The following ERC1 variants were observed in gnomAD, a reference collection of about 807,000 sequenced individuals.
ERC1 encodes the protein RAB6 interacting protein 2.
In ERC1, 56 loss-of-function variants were observed where a neutral mutation model predicts 132.0. The observed-to-expected ratio is 0.42, with a 90% CI of 0.34 to 0.53. The LOEUF (loss-of-function observed/expected upper bound fraction) is 0.53. Ranked by LOEUF, ERC1 falls within the 20% of genes least tolerant of loss-of-function variation. The pLI, the probability that ERC1 is intolerant of heterozygous loss-of-function variation, is 0.03. For synonymous variants in ERC1, 478 were observed against 476.1 expected (o/e 1.00, Z -0.05); for missense variants, 1,202 against 1,349.9 (o/e 0.89, Z 1.72).
chr12:995,229 C>T (rs954547827), intron 1 of ERC1, among the ~76,000 whole-genome samples: 1 of 152,094 alleles, frequency 6.6e-6, no homozygotes, highest in Non-Finnish European at 1.5e-5. Context: ...TGCACTCCAG[C>T]CTGGGCGACA....
At chr12:1,345,124 A>G (rs1006370538) in intron 15 of ERC1, among the ~76,000 whole-genome samples, 1 of 152,150 alleles carries the variant, frequency 6.6e-6, no homozygotes, top group Admixed American at 6.5e-5. Context: ...ATTTTAAATA[A>G]AAATTGAATT....
chr12:1,351,477 T>C (rs1057346246), intron 15 of ERC1, among the ~76,000 whole-genome samples: 1 of 151,526 alleles, frequency 6.6e-6, no homozygotes, highest in Non-Finnish European at 1.5e-5. Context: ...TCTGGTAGTG[T>C]GTGTTCTGGA....
Position 1,401,581 on chromosome 12 carries a change from A to G in ERC1, c.2926-6568A>G, listed in dbSNP as rs144457528. 1.6e-3 allele frequency among the ~76,000 whole-genome samples: 246 copies of G among 152,290 alleles called. 1 individual carries two copies. The highest frequency in any genetic ancestry group is 2.1e-3 in the Non-Finnish European group (140 of 68,020). Reference sequence around the variant, plus strand: ...ACTTATTCATCATATGAATGTCGCTAAGTTATTTAGGCTCTCTGTACCTCA... The same window carrying G: ...ACTTATTCATCATATGAATGTCGCTGAGTTATTTAGGCTCTCTGTACCTCA... On this transcript the variant is annotated intron_variant, in intron 16 of 18. Transcript: ENST00000360905.
intron 12 of ERC1, among the ~76,000 whole-genome samples, chr12:1,196,905 T>TACACACACAC (rs766381798): frequency 3.5e-5 from 2 of 57,728 alleles, no homozygotes; most frequent in South Asian, 8.0e-4. Context: ...TCTGTCTCTC[T>TACACACACAC]ACACACACAC....
chr12:1,242,624 T>C (rs1222976385), intron 13 of ERC1, among the ~76,000 whole-genome samples: 1 of 152,314 alleles, frequency 6.6e-6, no homozygotes, highest in Non-Finnish European at 1.5e-5. Flanking sequence ...AGCTCCTGTC[T>C]CTAAAGGTTG....
rs142846830 is a variant in ERC1 at position 1,144,614 on chromosome 12, G to GTATA, written c.1737+2844_1737+2847dup. Among the ~76,000 whole-genome samples the GTATA allele has an allele frequency of 3.4e-3, 444 of 132,252 alleles. 5 individuals carry two copies. The highest frequency in any genetic ancestry group is 0.016 in the East Asian group (77 of 4,848). 86.8% of individuals were successfully genotyped at this position (132,252 alleles called of 152,430 possible). On this transcript the variant is annotated intron_variant, in intron 8 of 18. Transcript: ENST00000360905. ...TTTTATGGCTGAGTAGAATTTTGTG[G>GTATA]TATATATATATATATATATACGTGT...
intron 11 of ERC1, among the ~76,000 whole-genome samples, chr12:1,185,503 TTTTC>T (rs1313125054): frequency 8.3e-6 from 1 of 120,338 alleles, no homozygotes; most frequent in Non-Finnish European, 1.7e-5. Flanking sequence ...TTTTCTGTAC[TTTTC>T]TTTCTTTCTT....
chr12:1,040,809 G>A (rs1250116162), intron 2 of ERC1, among the ~76,000 whole-genome samples: 1 of 152,096 alleles, frequency 6.6e-6, no homozygotes, highest in Non-Finnish European at 1.5e-5. Context: ...TGTATAGGCC[G>A]AGAAAGTGAG....
intron 13 of ERC1, among the ~76,000 whole-genome samples, chr12:1,260,401 A>C (rs1295396009): frequency 2.0e-5 from 3 of 152,204 alleles, no homozygotes; most frequent in Non-Finnish European, 4.4e-5. Context: ...AAGAGTATTC[A>C]TATTATCATC....
intron 12 of ERC1, among the ~76,000 whole-genome samples, chr12:1,201,108 A>C (rs1440528801): frequency 6.6e-6 from 1 of 152,170 alleles, no homozygotes; most frequent in Non-Finnish European, 1.5e-5. Context: ...AATTCAGTTG[A>C]ATTACTTTTA....
intron 14 of ERC1, among the ~76,000 whole-genome samples, chr12:1,286,105 C>A (rs2079025123): frequency 6.6e-6 from 1 of 151,914 alleles, no homozygotes; most frequent in South Asian, 2.1e-4. Context: ...ACCAGCCTGG[C>A]CAACGTGGCA....
chr12:999,320 G>T (rs1424103898), intron 1 of ERC1, among the ~76,000 whole-genome samples: 1 of 151,974 alleles, frequency 6.6e-6, no homozygotes, highest in Admixed American at 6.6e-5. Context: ...CCACTCTATC[G>T]AATTGCTACT....
chr12:1,227,199 C>T (rs574414365), intron 12 of ERC1, among the ~76,000 whole-genome samples: 1 of 152,160 alleles, frequency 6.6e-6, no homozygotes, highest in South Asian at 2.1e-4. Flanking sequence ...TTTAGAGGAA[C>T]CTTCTTACCG....
At chr12:1,476,255 CAA>C (rs532457719) in intron 18 of ERC1, among the ~76,000 whole-genome samples, 2 of 131,304 alleles carry the variant, frequency 1.5e-5, no homozygotes, top group Admixed American at 7.8e-5. Context: ...GACTCCATCT[CAA>C]AAAAAAAAAA....
chr12:1,275,039 T>C (rs1239141353), intron 14 of ERC1, among the ~76,000 whole-genome samples: 1 of 152,054 alleles, frequency 6.6e-6, no homozygotes, highest in African/African-American at 2.4e-5. Context: ...AATGAGTGAA[T>C]GAATGGATGG....
intron 18 of ERC1, among the ~76,000 whole-genome samples, chr12:1,457,898 A>C (rs1490213077): frequency 6.6e-6 from 1 of 152,054 alleles, no homozygotes. Flanking sequence ...GTCTCAAAAA[A>C]AGAAAAAGAA....
rs575295832 is a variant in ERC1, at chr12:1,433,260, C to T, written c.3025-11302C>T. On this transcript the variant is annotated intron_variant, in intron 17 of 18. Transcript: ENST00000360905. ...TAAGGGCAAGCATGCAGGCACACAGCATGCTTTCCTGGAAGGTATAAGTTG... is the reference window on the plus strand; with the variant it reads ...TAAGGGCAAGCATGCAGGCACACAGTATGCTTTCCTGGAAGGTATAAGTTG... Among the ~76,000 whole-genome samples the T allele has an allele frequency of 7.9e-5, 12 of 152,328 alleles. No homozygotes were observed. The South Asian group carries it at 2.5e-3, about 32-fold the overall frequency.
At chr12:1,385,660 G>A (rs1339305874) in intron 16 of ERC1, among the ~76,000 whole-genome samples, 1 of 152,192 alleles carries the variant, frequency 6.6e-6, no homozygotes, top group Admixed American at 6.5e-5. Flanking sequence ...GGTTCTAGTT[G>A]AGCTAATTGC....
intron 2 of ERC1, among the ~76,000 whole-genome samples, chr12:1,037,144 T>C (rs73606395): frequency 0.012 from 1,889 of 152,312 alleles, 41 homozygotes; most frequent in African/African-American, 0.044. Context: ...CTAATAAAAA[T>C]GTTGCACAAA....
Sources: allele counts gnomAD v4.1 joint callset (sites outside exome capture counted in the v4.1 genomes callset), GRCh38; gene constraint gnomAD v4.1.1; transcripts MANE v1.5; gene names NCBI Gene and HGNC (gene_info 2026-07-23, HGNC 2026-07-21).